DNMBP: variants seen among roughly 807,000 people sequenced by gnomAD.
DNMBP encodes the protein dynamin binding protein, also known as dynamin-binding protein.
DNMBP carries 87 observed loss-of-function variants against 150.0 expected under a neutral mutation model. The observed-to-expected ratio is 0.58, with a 90% CI of 0.49 to 0.69. The LOEUF (loss-of-function observed/expected upper bound fraction) is 0.69, where lower values mean the gene tolerates loss of function less well. DNMBP is among the 30% of genes least tolerant of loss of function. DNMBP has a pLI of 0.00. For synonymous variants in DNMBP, 711 were observed against 750.4 expected, an observed-to-expected ratio of 0.95 and a Z score of 0.86; for missense variants, 1,774 against 1,949.0, an observed-to-expected ratio of 0.91 and a Z score of 1.69.
At chr10:99,991,249 T>C (rs2040888189) in intron 1 of DNMBP, among the ~76,000 whole-genome samples, 1 of 151,928 alleles carries the variant, frequency 6.6e-6, no homozygotes, top group African/African-American at 2.4e-5. Context: ...CGGCTGATGT[T>C]TGTATTTTTA....
intron 7 of DNMBP, 116 bp from the exon 8 acceptor site, chr10:99,898,876 G>T (rs148049413): frequency 1.9e-6 from 2 of 1,041,172 alleles, no homozygotes; most frequent in South Asian, 1.4e-5. Context: ...AATGTTTATG[G>T]TAACATATTT....
At chr10:99,971,123 G>T (rs2040672376) in intron 2 of DNMBP, among the ~76,000 whole-genome samples, 2 of 152,002 alleles carry the variant, frequency 1.3e-5, no homozygotes, top group South Asian at 4.2e-4. Context: ...ACAAAGACTT[G>T]GATAGAAACC....
chr10:99,888,202 T>TG (rs1450974399), intron 12 of DNMBP, among the ~76,000 whole-genome samples: 10 of 118,516 alleles, frequency 8.4e-5, no homozygotes, highest in Non-Finnish European at 1.1e-4. Flanking sequence ...AAGGTTTTTT[T>TG]TTTGTTTGTT....
intron 4 of DNMBP, among the ~76,000 whole-genome samples, chr10:99,931,239 T>C (rs753992737): frequency 6.6e-6 from 1 of 152,150 alleles, no homozygotes; most frequent in Non-Finnish European, 1.5e-5. Flanking sequence ...AACAAGTGCT[T>C]TCCTTCTCAA....
intron 12 of DNMBP, among the ~76,000 whole-genome samples, chr10:99,888,113 A>C (rs774108178): frequency 1.6e-4 from 25 of 152,132 alleles, no homozygotes; most frequent in Non-Finnish European, 3.4e-4. Context: ...GTGAGCCACC[A>C]TGCCCGGACT....
chr10:99,919,345 C>T (rs1049186611), intron 4 of DNMBP, among the ~76,000 whole-genome samples: 2 of 152,206 alleles, frequency 1.3e-5, no homozygotes, highest in African/African-American at 4.8e-5. Flanking sequence ...CTATTTTTCT[C>T]TCCTACTCTA....
chr10:100,009,147 A>C (rs2133399643), intron 1 of DNMBP, among the ~76,000 whole-genome samples: 1 of 152,364 alleles, frequency 6.6e-6, no homozygotes, highest in East Asian at 1.9e-4. Flanking sequence ...CTGCATTTAA[A>C]GTTGTTTTTG....
At position 99,888,852 on chromosome 10, in the gene DNMBP, G is replaced by A. The variant is rs144638196; in HGVS notation, c.3258C>T (p.Tyr1086=). The change falls in exon 12 of 17, where the codon TAC becomes TAT. Residue 1086 remains tyrosine, a synonymous_variant. Transcript: ENST00000324109. ...AGTTTGTGAAGAGCTGGTCACTGAT[G>A]TAGCGATGCACCCTCTCAAACTGCT... The part of the protein sequence containing the change: ...DLEQFERVHR[Y]ISDQLFTNFK... 1 of 1,614,108 alleles carries A rather than the reference G, an allele frequency of 6.2e-7. No individual in the cohort carries two copies. Among genetic ancestry groups the A allele is most frequent in the African/African-American group, 1.3e-5 (1 of 75,040 alleles).
chr10:99,942,783 A>G (rs1416886236), intron 4 of DNMBP, among the ~76,000 whole-genome samples: 2 of 152,176 alleles, frequency 1.3e-5, no homozygotes, highest in African/African-American at 2.4e-5. Context: ...TCCTGACTTA[A>G]CATAGCCTAT....
At chr10:99,929,823 AGAAG>A in intron 4 of DNMBP, 1 of 702,998 alleles carries the variant, frequency 1.4e-6, no homozygotes, top group Non-Finnish European at 2.6e-6. Flanking sequence ...CAGACCATCC[AGAAG>A]GATCCTGCTG....
At chr10:99,943,059 C>T (rs543087139) in intron 4 of DNMBP, among the ~76,000 whole-genome samples, 8 of 152,034 alleles carry the variant, frequency 5.3e-5, no homozygotes, top group Admixed American at 2.6e-4. Context: ...GAGGGGGGGG[C>T]GGATCACCTG....
chr10:99,984,846 G>C (rs1483169304), intron 1 of DNMBP, among the ~76,000 whole-genome samples: 1 of 152,052 alleles, frequency 6.6e-6, no homozygotes. Context: ...TCCCACCTTA[G>C]CCTCACAAGT....
chr10:99,898,348 ATCGTGAGACCCCACCT>A, intron 8 of DNMBP, 63 bp from the exon 9 acceptor site: 1 of 1,411,824 alleles, frequency 7.1e-7, no homozygotes, highest in Non-Finnish European at 1.0e-6. Context: ...GCCTGGGAAC[ATCGTGAGACCCCACCT>A]TAAAAAAAAC....
At chr10:99,932,121 C>A (rs528854720) in intron 4 of DNMBP, among the ~76,000 whole-genome samples, 1 of 152,240 alleles carries the variant, frequency 6.6e-6, no homozygotes, top group Admixed American at 6.5e-5. Flanking sequence ...AAGAGACAGG[C>A]CTTAATAAGA....
intron 3 of DNMBP, among the ~76,000 whole-genome samples, chr10:99,964,154 T>A (rs2040593276): frequency 6.9e-6 from 1 of 145,526 alleles, no homozygotes; most frequent in Admixed American, 6.8e-5. Flanking sequence ...TTTTTTTTTT[T>A]TTTTTGGAGA....
intron 12 of DNMBP, among the ~76,000 whole-genome samples, chr10:99,887,342 C>G (rs912829671): frequency 1.3e-5 from 2 of 152,128 alleles, no homozygotes; most frequent in African/African-American, 4.8e-5. Flanking sequence ...TTGAGACCAG[C>G]CTGGCAAAAC....
At chr10:99,899,596 C>T (rs373380356) in intron 7 of DNMBP, among the ~76,000 whole-genome samples, 2 of 151,772 alleles carry the variant, frequency 1.3e-5, no homozygotes, top group East Asian at 1.9e-4. Flanking sequence ...GCTGAGATTA[C>T]ACCACTGCAC....
chr10:100,005,182 T>C (rs568738919), intron 1 of DNMBP, among the ~76,000 whole-genome samples: 1 of 152,308 alleles, frequency 6.6e-6, no homozygotes, highest in East Asian at 1.9e-4. Flanking sequence ...GGGCAGCCAC[T>C]GTGGAGAGGC....
At position 99,956,025 on chromosome 10, in the gene DNMBP, A is replaced by C; in HGVS notation, c.1449T>G (p.Ser483=). 6.2e-7 allele frequency: 1 copy of C among 1,614,230 alleles called. No individual in the cohort carries two copies. Among genetic ancestry groups the C allele is most frequent in the Non-Finnish European group, 8.5e-7 (1 of 1,180,042 alleles). ...KPVLPLYRGS[S]VSASRVVKPR... ...GTTTGACTACCCTTGAAGCTGAAAC[A>C]GAAGAGCCCCTGTAAAGAGGGAGCA... Residue 483 remains serine, a synonymous_variant, in exon 4 of 17, where the codon TCT becomes TCG. Coordinates refer to ENST00000324109, the MANE Select transcript of DNMBP (RefSeq NM_015221.4).
Sources: gnomAD v4.1 joint callset for allele counts (sites outside exome capture counted in the v4.1 genomes callset) on GRCh38, gnomAD v4.1.1 for gene constraint, MANE v1.5 for transcripts, NCBI Gene and HGNC (gene_info 2026-07-23, HGNC 2026-07-21) for gene names.